SYNPR: variants seen among roughly 807,000 people sequenced by gnomAD.
SYNPR encodes the protein synaptoporin.
Under a neutral mutation model 32.9 loss-of-function variants are expected in SYNPR, and 23 were observed. The ratio of observed to expected loss-of-function variants is 0.70; its 90% confidence interval spans 0.50 to 0.99. The LOEUF (loss-of-function observed/expected upper bound fraction) is 0.99. Ranked by LOEUF, SYNPR falls within the 50% of genes least tolerant of loss-of-function variation. The probability of loss-of-function intolerance (pLI) is 0.00; values close to 1 mark genes in which losing one functional copy is unlikely to be tolerated. For missense variants in SYNPR, 318 were observed against 349.3 expected (o/e 0.91, Z 0.71); for synonymous variants, 146 against 135.9 (o/e 1.07, Z -0.52).
intron 3 of SYNPR, among the ~76,000 whole-genome samples, chr3:63,495,933 C>A (rs181862435): frequency 4.2e-5 from 6 of 142,392 alleles, no homozygotes; most frequent in Admixed American, 2.9e-4. Context: ...CAAGAGTGAG[C>A]CCAGATATGA....
At chr3:63,485,367 C>G (rs186447529) in intron 3 of SYNPR, among the ~76,000 whole-genome samples, 90 of 152,002 alleles carry the variant, frequency 5.9e-4, no homozygotes, top group African/African-American at 2.0e-3. Context: ...TAAATAAAAA[C>G]AGAAATAAAA....
intron 2 of SYNPR, among the ~76,000 whole-genome samples, chr3:63,330,910 A>G (rs2087221706): frequency 2.0e-5 from 3 of 152,150 alleles, no homozygotes; most frequent in Admixed American, 1.3e-4. Context: ...TAGATAAGGA[A>G]GAAAAGTTTC....
rs1385562199 is a variant in SYNPR, at chr3:63,501,448, C to T, written c.209+20492C>T. On this transcript the variant is annotated intron_variant, in intron 3 of 5. Transcript: ENST00000478300. ...AAGCTGAGTTTCTGTTAGTGCTCTC[C>T]AGCCTAGGTGACAAAGAGCTACTCT... Among the ~76,000 whole-genome samples the T allele has an allele frequency of 2.8e-5, 4 of 142,236 alleles. No individual in the cohort carries two copies. The East Asian group carries it at 8.2e-4, about 29-fold the overall frequency. The allele number at this position is 142,236 out of a possible 152,430, so 93.3% of individuals were successfully genotyped here. A position where few individuals can be genotyped will look rare whatever the true frequency, so the allele number is the denominator to read the frequency against.
chr3:63,409,240 G>A (rs1360540058), intron 2 of SYNPR, among the ~76,000 whole-genome samples: 1 of 151,878 alleles, frequency 6.6e-6, no homozygotes, highest in African/African-American at 2.4e-5. Context: ...TCTCATGTGG[G>A]CTTTAAGAAC....
chr3:63,443,000 A>C, intron 2 of SYNPR: 1 of 990,480 alleles, frequency 1.0e-6, no homozygotes, highest in East Asian at 1.1e-4. Context: ...GTTTTTAAGC[A>C]CTGTGCTTGC....
At chr3:63,305,646 T>C (rs2086901964) in intron 2 of SYNPR, among the ~76,000 whole-genome samples, 1 of 151,952 alleles carries the variant, frequency 6.6e-6, no homozygotes, top group South Asian at 2.1e-4. Flanking sequence ...ATTTAGTACA[T>C]TAGGGGTGGG....
At chr3:63,269,307 G>A (rs1278074053) in intron 3 of SYNPR, among the ~76,000 whole-genome samples, 1 of 152,028 alleles carries the variant, frequency 6.6e-6, no homozygotes, top group Non-Finnish European at 1.5e-5. Context: ...TGGCCAACAG[G>A]GTGAAACCCC....
rs147274751 is a variant in SYNPR, at chr3:63,564,553, T to C, written c.408+7812T>C. On this transcript the variant is annotated intron_variant, in intron 4 of 5. Coordinates refer to ENST00000478300, the MANE Select transcript of SYNPR (RefSeq NM_001130003.2). The stretch of plus-strand genomic sequence containing the variant: ...CACTCTCTGAGATAAGAAGTGTCGA[T>C]AATGCAAAAATGTATGGACTTCACC... 4.9e-3 allele frequency among the ~76,000 whole-genome samples: 751 copies of C among 152,162 alleles called. 3 individuals carry two copies. The Middle Eastern group carries it at 0.051, about 10-fold the overall frequency.
At chr3:63,588,919 A>C (rs1406682356) in intron 4 of SYNPR, among the ~76,000 whole-genome samples, 3 of 152,110 alleles carry the variant, frequency 2.0e-5, no homozygotes, top group African/African-American at 4.8e-5. Context: ...TAGTCTCAGC[A>C]GCCATGTGAG....
At chr3:63,410,849 G>A (rs1355816148) in intron 2 of SYNPR, among the ~76,000 whole-genome samples, 1 of 152,120 alleles carries the variant, frequency 6.6e-6, no homozygotes, top group Non-Finnish European at 1.5e-5. Flanking sequence ...GGACAGTGAT[G>A]GTTGGGTTGA....
At chr3:63,538,500 A>G (rs1446434286) in intron 3 of SYNPR, among the ~76,000 whole-genome samples, 2 of 152,010 alleles carry the variant, frequency 1.3e-5, no homozygotes, top group African/African-American at 4.8e-5. Flanking sequence ...CTTTGCCGTG[A>G]TCTCATAAAA....
chr3:63,419,033 T>G (rs1298683246), intron 2 of SYNPR, among the ~76,000 whole-genome samples: 1 of 152,250 alleles, frequency 6.6e-6, no homozygotes, highest in African/African-American at 2.4e-5. Context: ...CTCCACTTTT[T>G]CTAGAGTTCC....
intron 2 of SYNPR, among the ~76,000 whole-genome samples, chr3:63,408,319 G>GGAAAGAAA (rs1214316826): frequency 0.058 from 973 of 16,766 alleles, 118 homozygotes; most frequent in South Asian, 0.075. Context: ...AAGGAAGGAA[G>GGAAAGAAA]GAAAGAAAGA....
At chr3:63,231,687 A>G (rs2086167839) in intron 1 of SYNPR, among the ~76,000 whole-genome samples, 1 of 152,150 alleles carries the variant, frequency 6.6e-6, no homozygotes, top group African/African-American at 2.4e-5. Context: ...TTCTAAGAAA[A>G]GGCCATTTTT....
intron 2 of SYNPR, among the ~76,000 whole-genome samples, chr3:63,385,508 G>A (rs1260394897): frequency 6.6e-6 from 1 of 152,168 alleles, no homozygotes; most frequent in African/African-American, 2.4e-5. Context: ...TGAACTCTGA[G>A]CATTTTTGTG....
At chr3:63,327,337 G>GGTATAT (rs762055634) in intron 2 of SYNPR, among the ~76,000 whole-genome samples, 25 of 152,014 alleles carry the variant, frequency 1.6e-4, no homozygotes, top group Non-Finnish European at 2.8e-4. Flanking sequence ...TACTAAAGTG[G>GGTATAT]GTATATGTAT....
chr3:63,616,703 G>GA lies in SYNPR; in HGVS notation c.*1225dup, dbSNP rs1700283039. On this transcript the variant is annotated 3_prime_UTR_variant, in exon 6 of 6. Transcript: ENST00000478300. Reference sequence around the variant, plus strand: ...GTCACTTCCTCGTTTTAACTCAGCTGAAACACCAGGACCCAATAGAGAGGG... The same window carrying GA: ...GTCACTTCCTCGTTTTAACTCAGCTGAAAACACCAGGACCCAATAGAGAGGG... The GA allele has an allele frequency of 6.6e-6, 1 of 152,604 alleles. No individual in the cohort carries two copies. Among genetic ancestry groups the GA allele is most frequent in the African/African-American group, 2.4e-5 (1 of 41,434 alleles). 9.5% of individuals were successfully genotyped at this position (152,604 alleles called of 1,614,324 possible).
At chr3:63,441,039 C>A (rs1700160824) in intron 2 of SYNPR, among the ~76,000 whole-genome samples, 1 of 152,148 alleles carries the variant, frequency 6.6e-6, no homozygotes, top group South Asian at 2.1e-4. Flanking sequence ...CACGTTGCAT[C>A]CAAAGCAGAG....
At chr3:63,426,061 G>T (rs191776857) in intron 2 of SYNPR, among the ~76,000 whole-genome samples, 11 of 151,948 alleles carry the variant, frequency 7.2e-5, no homozygotes, top group African/African-American at 2.7e-4. Flanking sequence ...CTGGAATTAC[G>T]GGCATGAGCC....
Sources: allele counts gnomAD v4.1 joint callset (sites outside exome capture counted in the v4.1 genomes callset), GRCh38; gene constraint gnomAD v4.1.1; transcripts MANE v1.5; gene names NCBI Gene and HGNC (gene_info 2026-07-23, HGNC 2026-07-21).